The following STXBP2 variants were observed in gnomAD, a reference collection of about 807,000 sequenced individuals.
The protein encoded by STXBP2 is syntaxin binding protein 2, also known as syntaxin-binding protein 2.
In STXBP2, 47 loss-of-function variants were observed where a neutral mutation model predicts 72.2. The ratio of observed to expected loss-of-function variants is 0.65; its 90% CI spans 0.51 to 0.83. The LOEUF (loss-of-function observed/expected upper bound fraction) is 0.83, where lower values mean the gene tolerates loss of function less well. Among genes scored for constraint, STXBP2 ranks in the 40% least tolerant of loss-of-function variants. The probability of loss-of-function intolerance (pLI) is 0.00; values close to 1 mark genes in which losing one functional copy is unlikely to be tolerated. For synonymous variants in STXBP2, 367 were observed against 338.7 expected (o/e 1.08, Z -0.92); for missense variants, 702 against 807.6 (o/e 0.87, Z 1.58).
At chr19:7,637,324 G>A in intron 1 of STXBP2, 138 bp downstream of exon 1, 1 of 775,156 alleles carries the variant, frequency 1.3e-6, no homozygotes, top group Non-Finnish European at 1.7e-6. Flanking sequence ...GACCCTCGAG[G>A]GGGCGGGCGG....
At chr19:7,636,658 G>A (rs1438088453), upstream of STXBP2, 1 of 154,114 alleles carries the variant, frequency 6.5e-6, no homozygotes, top group Non-Finnish European at 1.4e-5. Context: ...CACACAAGAG[G>A]TCTCCAGGCC....
Position 7,637,136 on chromosome 19 carries a change from G to A in STXBP2, c.-14G>A. On this transcript the variant is annotated 5_prime_UTR_variant, in exon 1 of 19. Transcript: ENST00000221283. Reference sequence around the variant, plus strand: ...GGACACACCCGGAAGCGGCGGCGGCGCCCCTCGGGGAAGATGGCGCCCTCG... The same window carrying A: ...GGACACACCCGGAAGCGGCGGCGGCACCCCTCGGGGAAGATGGCGCCCTCG... 7 of 1,240,286 alleles carry A rather than the reference G, an allele frequency of 5.6e-6. No individual in the cohort carries two copies. Among genetic ancestry groups the A allele is most frequent in the Non-Finnish European group, 7.1e-6 (7 of 988,060 alleles). 76.8% of individuals were successfully genotyped at this position (1,240,286 alleles called of 1,614,324 possible). A position where few individuals can be genotyped will look rare whatever the true frequency, so the allele number is the denominator to read the frequency against.
upstream of STXBP2, chr19:7,632,267 C>G (rs1449541053): frequency 7.0e-7 from 1 of 1,433,546 alleles, no homozygotes; most frequent in Non-Finnish European, 9.5e-7. This position sits in a 1 kb window ranked among gnomAD's most constrained non-coding sequence, Gnocchi z 5.2. Flanking sequence ...GTCCTCCCAT[C>G]TGAAGTCAGG....
At chr19:7,633,600 C>G (rs2031427070), upstream of STXBP2, 2 of 737,958 alleles carry the variant, frequency 2.7e-6, no homozygotes, top group Non-Finnish European at 4.5e-6. Flanking sequence ...CCCACCCAAG[C>G]TTAAGCCCCA....
the STXBP2 span, chr19:7,631,702 G>C: frequency 6.9e-7 from 1 of 1,453,636 alleles, no homozygotes; most frequent in Non-Finnish European, 9.1e-7. Flanking sequence ...GGGGGCTTGT[G>C]TCGGGGGCTG....
chr19:7,637,167 G>A lies in STXBP2; in HGVS notation c.18G>A (p.Leu6=). 8.0e-7 allele frequency: 1 copy of A among 1,242,942 alleles called. No individual in the cohort carries two copies. Among genetic ancestry groups the A allele is most frequent in the Non-Finnish European group, 1.0e-6 (1 of 988,400 alleles). 77.0% of individuals were successfully genotyped at this position (1,242,942 alleles called of 1,614,324 possible). The change falls in exon 1 of 19, where the codon CTG becomes CTA. Residue 6 remains leucine, a synonymous_variant. Coordinates refer to ENST00000221283, the MANE Select transcript of STXBP2 (RefSeq NM_006949.4). ...CGGGGAAGATGGCGCCCTCGGGGCT[G>A]AAGGCGGTGGTGGGGGAAAGTGAGT... MAPSG[L]KAVVGEKILS...
intron 16 of STXBP2, chr19:7,646,612 G>A (rs921816912): frequency 7.6e-5 from 41 of 540,458 alleles, no homozygotes; most frequent in Non-Finnish European, 9.8e-5. Context: ...CCCCTGTCCC[G>A]CAGGAGTGCC....
intron 4 of STXBP2, 122 bp from the exon 5 acceptor site, chr19:7,640,609 A>G (rs771247039): frequency 1.5e-6 from 2 of 1,299,626 alleles, no homozygotes; most frequent in Middle Eastern, 1.8e-4. Context: ...ATTTGCACAT[A>G]TACATGTCCC....
chr19:7,630,043 G>C, the STXBP2 span: 1 of 724,272 alleles, frequency 1.4e-6, no homozygotes, highest in African/African-American at 1.8e-5. Context: ...GGGGGTTCTC[G>C]GATTTGGGCT....
In STXBP2 at chr19:7,642,373, C is replaced by G. The variant is rs1409133033; in HGVS notation, c.794+40C>G. 1.2e-6 allele frequency: 2 copies of G among 1,613,128 alleles called. No individual in the cohort carries two copies. Among genetic ancestry groups the G allele is most frequent in the Non-Finnish European group, 1.7e-6 (2 of 1,179,106 alleles). On this transcript the variant is annotated intron_variant, in intron 9 of 18. Coordinates refer to ENST00000221283, the MANE Select transcript of STXBP2 (RefSeq NM_006949.4). This position sits in a 1 kb window ranked among gnomAD's most constrained non-coding sequence, Gnocchi z 6.0. ...AACCCGTCCCCACCCTTGCCACTGA[C>G]CTGGTTCCCCAGTCCTCAGCTCCCC...
chr19:7,640,158 GTA>G (rs748275627), intron 4 of STXBP2: 83 of 559,100 alleles, frequency 1.5e-4, no homozygotes, highest in African/African-American at 3.3e-4. Flanking sequence ...GTGTGCATCT[GTA>G]TGTGTGTGTG....
the STXBP2 span, chr19:7,630,140 C>T: frequency 8.3e-6 from 4 of 482,112 alleles, no homozygotes; most frequent in East Asian, 3.6e-5. Flanking sequence ...AGAAGGAAGA[C>T]TTAAGATCCT....
chr19:7,633,409 C>G (rs537729714), upstream of STXBP2: 5 of 1,569,072 alleles, frequency 3.2e-6, no homozygotes, highest in Admixed American at 9.4e-5. Flanking sequence ...CCTCTCACCT[C>G]GGCACAGGGG....
intron 13 of STXBP2, 38 bp downstream of exon 13, chr19:7,643,283 T>C (rs1442096575): frequency 6.3e-7 from 1 of 1,576,176 alleles, no homozygotes; most frequent in Non-Finnish European, 8.7e-7. Flanking sequence ...GTGATGGTCC[T>C]GCCAAGGCGG....
upstream of STXBP2, among the ~76,000 whole-genome samples, chr19:7,635,262 C>T (rs2031482449): frequency 6.6e-6 from 1 of 152,200 alleles, no homozygotes; most frequent in Non-Finnish European, 1.5e-5. Flanking sequence ...AACCCAAACA[C>T]CTAGGGGTTG....
intron 16 of STXBP2, chr19:7,646,665 C>T (rs544657844): frequency 4.4e-5 from 21 of 472,124 alleles, no homozygotes; most frequent in Non-Finnish European, 3.1e-5. Flanking sequence ...CAGGGCAGCA[C>T]CATCCAATGG....
At position 7,644,595 on chromosome 19, in the gene STXBP2, G is replaced by A. The variant is rs879067264; in HGVS notation, c.1108-19G>A. The A allele has an allele frequency of 1.2e-6, 2 of 1,610,284 alleles. No individual in the cohort carries two copies. Among genetic ancestry groups the A allele is most frequent in the Admixed American group, 1.7e-5 (1 of 59,984 alleles). On this transcript the variant is annotated intron_variant, in intron 13 of 18. Coordinates refer to ENST00000221283, the MANE Select transcript of STXBP2 (RefSeq NM_006949.4). The stretch of plus-strand genomic sequence containing the variant: ...CCTGACACATAGCGGCCGGTGGACG[G>A]CTGACCCCATGCCCGCAGGACCTGG...
chr19:7,647,385 G>C lies in STXBP2; in HGVS notation c.1570G>C (p.Ala524Pro). The C allele has an allele frequency of 6.2e-7, 1 of 1,613,530 alleles. No homozygotes were observed. The highest frequency in any genetic ancestry group is 8.5e-7 in the Non-Finnish European group (1 of 1,179,984). ...ARFGHWHKNK[A>P]GIEARAGPRL... ...CTTCGGTCACTGGCACAAGAACAAG[G>C]CTGGCATAGAAGCCCGGGCGGGCCC... The change falls in exon 18 of 19, where the codon GCT becomes CCT. Residue 524 changes from alanine to proline, a missense_variant. By Grantham distance (27) the Ala-to-Pro change is conservative. Transcript: ENST00000221283.
chr19:7,632,685 C>G, upstream of STXBP2: 1 of 1,548,800 alleles, frequency 6.5e-7, no homozygotes, highest in South Asian at 1.2e-5. The surrounding 1 kb of genome is among the most constrained non-coding windows in gnomAD (Gnocchi z 5.2). Context: ...CGTTCACGCC[C>G]CATGGACAGC....
Sources: allele counts gnomAD v4.1 joint callset (sites outside exome capture counted in the v4.1 genomes callset), GRCh38; gene constraint gnomAD v4.1.1; non-coding constraint Gnocchi (gnomAD v3.1); transcripts MANE v1.5; gene names NCBI Gene and HGNC (gene_info 2026-07-23, HGNC 2026-07-21).